Variants in FFAR4 observed in about 807,000 individuals in gnomAD.
The protein encoded by FFAR4 is G-protein coupled receptor 120.
FFAR4 carries 19 observed loss-of-function variants against 27.0 expected under a neutral mutation model. That is an observed-to-expected ratio of 0.70 (90% CI 0.49 to 1.03). The LOEUF (loss-of-function observed/expected upper bound fraction) is 1.03. FFAR4 is among the 50% of genes least tolerant of loss of function. FFAR4 has a pLI of 0.00. For missense variants in FFAR4, 476 were observed against 479.0 expected, an observed-to-expected ratio of 0.99 and a Z score of 0.06; for synonymous variants, 254 against 215.6, an observed-to-expected ratio of 1.18 and a Z score of -1.56.
intron 2 of FFAR4, among the ~76,000 whole-genome samples, chr10:93,577,653 TGAGA>T (rs2058172244): frequency 6.6e-6 from 1 of 151,870 alleles, no homozygotes. Context: ...AGGAAAGAGG[TGAGA>T]GAAAAAGGAA....
intron 1 of FFAR4, among the ~76,000 whole-genome samples, chr10:93,574,231 T>C (rs969773055): frequency 6.6e-6 from 1 of 152,168 alleles, no homozygotes; most frequent in Non-Finnish European, 1.5e-5. Context: ...GAGAACACCT[T>C]GCTCTATCAT....
At position 93,567,541 on chromosome 10, in the gene FFAR4, T is replaced by A. The variant is rs183337155; in HGVS notation, c.567+254T>A. Among the ~76,000 whole-genome samples the A allele has an allele frequency of 2.0e-4, 31 of 152,368 alleles. No individual in the cohort carries two copies. In the East Asian group the frequency reaches 5.8e-3, roughly 28 times the overall value. The stretch of plus-strand genomic sequence containing the variant: ...CAAAATGCAATGACTGTTGCGAGGT[T>A]AATTAACGAGTAGTTTAGGAGCGAG... On this transcript the variant is annotated intron_variant, in intron 1 of 2. Transcript: ENST00000371481.
chr10:93,567,029 C>G lies in FFAR4; in HGVS notation c.309C>G (p.Ala103=). Residue 103 remains alanine (A), a synonymous_variant, in exon 1 of 3, where the codon GCC becomes GCG. Transcript: ENST00000371481. ...PLVLAVRWTE[A]WLLGPVACHL... ...TGCTGGCCGTGCGCTGGACTGAGGCCTGGCTGCTGGGCCCCGTTGCCTGCC... is the reference window on the plus strand; with the variant it reads ...TGCTGGCCGTGCGCTGGACTGAGGCGTGGCTGCTGGGCCCCGTTGCCTGCC... 6.2e-7 allele frequency: 1 copy of G among 1,611,780 alleles called. No individual in the cohort carries two copies. The highest frequency in any genetic ancestry group is 8.5e-7 in the Non-Finnish European group (1 of 1,179,852).
intron 1 of FFAR4, among the ~76,000 whole-genome samples, chr10:93,569,899 A>C (rs2058122237): frequency 1.3e-5 from 2 of 152,048 alleles, no homozygotes; most frequent in Admixed American, 1.3e-4. Context: ...TCTCTACTAA[A>C]AATACAAAAA....
chr10:93,570,382 A>T (rs974241223), intron 1 of FFAR4, among the ~76,000 whole-genome samples: 2 of 152,088 alleles, frequency 1.3e-5, no homozygotes, highest in Non-Finnish European at 2.9e-5. Context: ...TCATTAAAAA[A>T]AAAAAAGCAA....
At chr10:93,579,026 C>T (rs1038148324) in intron 2 of FFAR4, 2 of 751,722 alleles carry the variant, frequency 2.7e-6, no homozygotes, top group African/African-American at 1.7e-5. Flanking sequence ...AGGCCAGGGT[C>T]CACCTGGAAA....
intron 2 of FFAR4, 48 bp from the exon 3 acceptor site, chr10:93,587,172 A>G (rs1003938818): frequency 1.4e-5 from 21 of 1,547,588 alleles, no homozygotes; most frequent in Non-Finnish European, 1.7e-5. Context: ...AAAATCCCCA[A>G]CAACCCTCGG....
rs2058250203 is a variant in FFAR4, at chr10:93,589,541, T to C, written c.*1932T>C. 2 of 146,906 alleles carry C rather than the reference T, an allele frequency of 1.4e-5. No homozygotes were observed. Among genetic ancestry groups the C allele is most frequent in the South Asian group, 4.3e-4 (2 of 4,700 alleles). The allele number at this position is 146,906 out of a possible 1,614,324, so 9.1% of individuals were successfully genotyped here. A position where few individuals can be genotyped will look rare whatever the true frequency, so the allele number is the denominator to read the frequency against. ...ACTCAAGGGGAATACTCTGATTTTTTAGCCTGTCATTGGTTGGATGGTGAA... is the reference window on the plus strand; with the variant it reads ...ACTCAAGGGGAATACTCTGATTTTTCAGCCTGTCATTGGTTGGATGGTGAA... On this transcript the variant is annotated 3_prime_UTR_variant, in exon 3 of 3. Coordinates refer to ENST00000371481, the MANE Select transcript of FFAR4 (RefSeq NM_001195755.2).
chr10:93,567,342 G>T (rs993042098), intron 1 of FFAR4, 55 bp downstream of exon 1: 1 of 1,498,434 alleles, frequency 6.7e-7, no homozygotes, highest in Non-Finnish European at 9.0e-7. Context: ...TGGGAAGCGG[G>T]GCCCCGACGG....
chr10:93,585,669 A>C (rs10082458), intron 2 of FFAR4, among the ~76,000 whole-genome samples: 30,221 of 152,206 alleles, frequency 0.2, 3,174 homozygotes, highest in South Asian at 0.34. Flanking sequence ...ATGATTGCCC[A>C]TATGAGGTGG....
chr10:93,588,858 A>G lies in FFAR4; in HGVS notation c.*1249A>G, dbSNP rs1214965673. 6.6e-6 allele frequency: 1 copy of G among 152,190 alleles called. No homozygotes were observed. The highest frequency in any genetic ancestry group is 6.6e-5 in the Admixed American group (1 of 15,266). 9.4% of individuals were successfully genotyped at this position (152,190 alleles called of 1,614,324 possible). On this transcript the variant is annotated 3_prime_UTR_variant, in exon 3 of 3. Transcript: ENST00000371481. ...GAGCCGCCACGCCTGGCTACAAGTC[A>G]ATAAATAGTATAGCATCACAGAGCG...
chr10:93,587,347 T>C lies in FFAR4; in HGVS notation c.824T>C (p.Ile275Thr). The C allele has an allele frequency of 6.2e-7, 1 of 1,614,066 alleles. No individual in the cohort carries two copies. Among genetic ancestry groups the C allele is most frequent in the Non-Finnish European group, 8.5e-7 (1 of 1,180,002 alleles). ...TLFLLMVSFF[I>T]MWSPIIITIL... The stretch of plus-strand genomic sequence containing the variant: ...TTCCTCCTCATGGTCTCCTTCTTCA[T>C]CATGTGGAGCCCCATCATCATCACC... The change falls in exon 3 of 3, where the codon ATC becomes ACC. Residue 275 changes from isoleucine to threonine, a missense_variant. By Grantham distance (89) the Ile-to-Thr change is moderately conservative (BLOSUM62 -1). Coordinates refer to ENST00000371481, the MANE Select transcript of FFAR4 (RefSeq NM_001195755.2).
At chr10:93,583,029 C>T (rs1033811322) in intron 2 of FFAR4, among the ~76,000 whole-genome samples, 20 of 151,980 alleles carry the variant, frequency 1.3e-4, no homozygotes, top group Admixed American at 9.2e-4. Flanking sequence ...TCCCTCCACA[C>T]GTGGGGATTA....
chr10:93,584,767 C>T (rs148820013), intron 2 of FFAR4, among the ~76,000 whole-genome samples: 4,078 of 151,886 alleles, frequency 0.027, 143 homozygotes, highest in African/African-American at 0.088. Flanking sequence ...AGTGCAGTGG[C>T]GCAATCTCGG....
intron 2 of FFAR4, among the ~76,000 whole-genome samples, chr10:93,579,692 G>GTGC (rs769676624): frequency 1.3e-5 from 2 of 152,152 alleles, no homozygotes; most frequent in Non-Finnish European, 2.9e-5. Flanking sequence ...TTCATTGTAG[G>GTGC]TGCTCAATAA....
At chr10:93,577,815 T>C (rs1263254424) in intron 2 of FFAR4, among the ~76,000 whole-genome samples, 2 of 152,090 alleles carry the variant, frequency 1.3e-5, no homozygotes, top group Admixed American at 1.3e-4. Context: ...AGCTTGTAAG[T>C]GGCAATCAGG....
intron 1 of FFAR4, among the ~76,000 whole-genome samples, chr10:93,572,400 G>A (rs1045457997): frequency 6.6e-6 from 1 of 152,188 alleles, no homozygotes; most frequent in Admixed American, 6.5e-5. Context: ...AAACTTGCAA[G>A]GGGTTCTCCA....
chr10:93,584,929 A>G (rs1418883025), intron 2 of FFAR4, among the ~76,000 whole-genome samples: 1 of 152,072 alleles, frequency 6.6e-6, no homozygotes, highest in Non-Finnish European at 1.5e-5. Flanking sequence ...GGTTGTCTCG[A>G]ACCCCTGACC....
chr10:93,577,506 A>G (rs111487248), intron 2 of FFAR4, among the ~76,000 whole-genome samples: 4 of 152,290 alleles, frequency 2.6e-5, no homozygotes, highest in South Asian at 2.1e-4. Flanking sequence ...AATGACCACT[A>G]AAGTGACACC....
Sources: allele counts gnomAD v4.1 joint callset (sites outside exome capture counted in the v4.1 genomes callset), GRCh38; gene constraint gnomAD v4.1.1; transcripts MANE v1.5; gene names NCBI Gene and HGNC (gene_info 2026-07-23, HGNC 2026-07-21).